Variants in ZNF423 observed in about 807,000 individuals in gnomAD.
ZNF423 encodes Ebf-associated zinc finger protein.
A neutral mutation model predicts 95.8 loss-of-function variants in ZNF423; 12 were observed. That is an observed-to-expected ratio of 0.13 (90% confidence interval 0.08 to 0.20). ZNF423 has a LOEUF of 0.20. Among genes scored for constraint, ZNF423 ranks in the 10% least tolerant of loss-of-function variants. The pLI is 1.00. For missense variants in ZNF423, 1,316 were observed against 1,737.1 expected (o/e 0.76, Z 4.31); for synonymous variants, 749 against 711.9 (o/e 1.05, Z -0.83).
At chr16:49,634,210 T>C (rs1462051905) in intron 4 of ZNF423, among the ~76,000 whole-genome samples, 5 of 150,912 alleles carry the variant, frequency 3.3e-5, no homozygotes, top group South Asian at 2.1e-4. Flanking sequence ...CTGGCTTTTT[T>C]TTTTTTTTTT....
chr16:49,523,871 G>T, intron 6 of ZNF423, 132 bp from the exon 7 acceptor site: 1 of 703,190 alleles, frequency 1.4e-6, no homozygotes, highest in Non-Finnish European at 2.5e-6. Context: ...TGGGCTACTG[G>T]GAGTGTTCTT....
chr16:49,770,349 G>A (rs890959228), intron 2 of ZNF423, among the ~76,000 whole-genome samples: 1 of 152,168 alleles, frequency 6.6e-6, no homozygotes, highest in East Asian at 1.9e-4. Context: ...ACATTAAGTA[G>A]AACTTCCTGG....
At chr16:49,784,868 T>G (rs1409063447) in intron 2 of ZNF423, among the ~76,000 whole-genome samples, 1 of 151,060 alleles carries the variant, frequency 6.6e-6, no homozygotes, top group Non-Finnish European at 1.5e-5. Flanking sequence ...GAGAATCGCT[T>G]GAACCCGGGC....
intron 5 of ZNF423, among the ~76,000 whole-genome samples, chr16:49,566,543 G>T (rs1462205348): frequency 2.6e-5 from 4 of 152,192 alleles, no homozygotes; most frequent in African/African-American, 9.7e-5. Flanking sequence ...TGTGGTGGGG[G>T]AGGCCACCTC....
chr16:49,565,042 G>T (rs1970143084), intron 5 of ZNF423, among the ~76,000 whole-genome samples: 1 of 152,174 alleles, frequency 6.6e-6, no homozygotes, highest in Non-Finnish European at 1.5e-5. Context: ...ACTTGGCCTA[G>T]ATGACAGCTG....
chr16:49,541,875 T>C (rs568452170), intron 5 of ZNF423, among the ~76,000 whole-genome samples: 21 of 152,366 alleles, frequency 1.4e-4, no homozygotes, highest in African/African-American at 4.8e-4. Context: ...ACTGTAAGTT[T>C]CCTGAGGCCT....
intron 3 of ZNF423, among the ~76,000 whole-genome samples, chr16:49,666,084 A>G (rs2030528542): frequency 6.6e-6 from 1 of 152,220 alleles, no homozygotes; most frequent in African/African-American, 2.4e-5. Flanking sequence ...ATCAAAACGC[A>G]GCGAAGGCCG....
At chr16:49,556,954 G>T (rs564178354) in intron 5 of ZNF423, among the ~76,000 whole-genome samples, 1 of 152,284 alleles carries the variant, frequency 6.6e-6, no homozygotes, top group East Asian at 1.9e-4. Context: ...ATTGGTGGGA[G>T]AAGGCAGGAA....
chr16:49,558,134 G>T (rs947233009), intron 5 of ZNF423, among the ~76,000 whole-genome samples: 3 of 152,212 alleles, frequency 2.0e-5, no homozygotes, highest in African/African-American at 7.2e-5. Context: ...TCTGAACCTG[G>T]TGGTTAACTC....
chr16:49,714,229 G>A (rs574366554), intron 3 of ZNF423, among the ~76,000 whole-genome samples: 4 of 152,332 alleles, frequency 2.6e-5, no homozygotes, highest in African/African-American at 9.6e-5. Flanking sequence ...ATGATGGTAT[G>A]ACGGTATGAC....
At chr16:49,693,091 CTAACAT>C (rs1315742234) in intron 3 of ZNF423, among the ~76,000 whole-genome samples, 1 of 152,230 alleles carries the variant, frequency 6.6e-6, no homozygotes, top group East Asian at 1.9e-4. Context: ...AGAGTGATAG[CTAACAT>C]TAAGTGCTTA....
chr16:49,764,057 C>T (rs185843766), intron 2 of ZNF423, among the ~76,000 whole-genome samples: 74 of 152,348 alleles, frequency 4.9e-4, no homozygotes, highest in Middle Eastern at 3.4e-3. Context: ...GAGTCACCCA[C>T]TCCCACAGCC....
intron 4 of ZNF423, among the ~76,000 whole-genome samples, chr16:49,633,871 C>A (rs562300087): frequency 1.7e-4 from 26 of 152,192 alleles, no homozygotes; most frequent in African/African-American, 5.8e-4. Flanking sequence ...CAGGCCCCAG[C>A]CAGACATGCA....
In ZNF423 at chr16:49,708,640, G is replaced by A. The variant is rs138110903; in HGVS notation, c.301+22131C>T. On this transcript the variant is annotated intron_variant, in intron 3 of 7. Transcript: ENST00000563137. ...TCTACCACCTCAGGGACCCCTCCCC[G>A]ACATCCTCCACTGCCCACATGCCAC... Among the ~76,000 whole-genome samples the A allele has an allele frequency of 8.9e-4, 135 of 152,168 alleles. 2 individuals are homozygous for A. The highest frequency in any genetic ancestry group is 2.8e-3 in the African/African-American group (116 of 41,514).
chr16:49,654,599 T>C (rs902225200), intron 3 of ZNF423, among the ~76,000 whole-genome samples: 21 of 152,220 alleles, frequency 1.4e-4, no homozygotes, highest in Middle Eastern at 3.2e-3. Flanking sequence ...AGCACTCAAA[T>C]TGGGCTTTGA....
chr16:49,829,808 G>C (rs2035043287), intron 1 of ZNF423, among the ~76,000 whole-genome samples: 1 of 152,198 alleles, frequency 6.6e-6, no homozygotes, highest in Non-Finnish European at 1.5e-5. Flanking sequence ...GGCTCCAGTG[G>C]AGAGGAGGAC....
chr16:49,720,164 G>C (rs2032825046), intron 3 of ZNF423, among the ~76,000 whole-genome samples: 4 of 152,212 alleles, frequency 2.6e-5, no homozygotes. Flanking sequence ...CCCAAGGTGG[G>C]GGCACAACTT....
intron 3 of ZNF423, among the ~76,000 whole-genome samples, chr16:49,712,279 G>A (rs747664858): frequency 3.3e-5 from 5 of 152,196 alleles, no homozygotes; most frequent in African/African-American, 4.8e-5. Flanking sequence ...CAGAAGGAAC[G>A]GGCGCCCGCA....
intron 5 of ZNF423, among the ~76,000 whole-genome samples, chr16:49,584,245 G>C (rs539229745): frequency 6.6e-6 from 1 of 152,132 alleles, no homozygotes; most frequent in Non-Finnish European, 1.5e-5. Context: ...AGCCCCCATC[G>C]TGTCCCTTAG....
Sources: allele counts gnomAD v4.1 joint callset (sites outside exome capture counted in the v4.1 genomes callset), GRCh38; gene constraint gnomAD v4.1.1; transcripts MANE v1.5; gene names NCBI Gene and HGNC (gene_info 2026-07-23, HGNC 2026-07-21).